The following CD36 variants were observed in gnomAD, a reference collection of about 807,000 sequenced individuals.
The protein encoded by CD36 is platelet glycoprotein 4.
CD36 carries 119 observed loss-of-function variants against 55.2 expected under a neutral mutation model. The ratio of observed to expected loss-of-function variants is 2.15; its 90% CI spans 1.86 to 2.51. The LOEUF (loss-of-function observed/expected upper bound fraction) is 2.51. CD36 is among the 30% of genes most tolerant of loss of function. The probability of loss-of-function intolerance (pLI) is 0.00; values close to 1 mark genes in which losing one functional copy is unlikely to be tolerated. For synonymous variants in CD36, 186 were observed against 193.6 expected (o/e 0.96, Z 0.33); for missense variants, 819 against 555.5 (o/e 1.47, Z -4.77).
At position 80,673,399 on chromosome 7, in the gene CD36, G is replaced by T; in HGVS notation, c.1244G>T (p.Trp415Leu). The T allele has an allele frequency of 1.3e-6, 2 of 1,566,114 alleles. No individual in the cohort carries two copies. Among genetic ancestry groups the T allele is most frequent in the Non-Finnish European group, 1.8e-6 (2 of 1,137,166 alleles). ...AGGAACTATATTGTGCCTATTCTTTGGCTTAATGAGGTTTGTATTTGCAGC... is the reference window on the plus strand; with the variant it reads ...AGGAACTATATTGTGCCTATTCTTTTGCTTAATGAGGTTTGTATTTGCAGC... ...LKRNYIVPIL[W>L]LNETGTIGDE... The change falls in exon 13 of 15, where the codon TGG becomes TTG. Residue 415 changes from tryptophan (W) to leucine (L), a missense_variant. Physicochemically the swap from Trp to Leu is moderately conservative, Grantham distance 61. Coordinates refer to ENST00000447544, the MANE Select transcript of CD36 (RefSeq NM_001001548.3).
In CD36 at chr7:80,606,065, T is replaced by C. The variant is rs148472158; in HGVS notation, c.-184+3686T>C. On this transcript the variant is annotated intron_variant, in intron 1 of 13. Coordinates refer to the CD36 transcript ENST00000309881. The stretch of plus-strand genomic sequence containing the variant: ...TGACTCATACATAATAAGCACTCAA[T>C]AGAGAGATTTTATTCATTTATTTAA... Among the ~76,000 whole-genome samples the C allele has an allele frequency of 5.9e-4, 90 of 152,312 alleles. 1 individual carries two copies. Among genetic ancestry groups the C allele is most frequent in the African/African-American group, 2.2e-3 (90 of 41,576 alleles).
At chr7:80,672,210 A>T (rs962953900) in intron 11 of CD36, among the ~76,000 whole-genome samples, 170 bp downstream of exon 11, 3 of 151,820 alleles carry the variant, frequency 2.0e-5, no homozygotes, top group African/African-American at 7.2e-5. Context: ...TTATGAAGTG[A>T]TTCTAATTGG....
chr7:80,605,007 A>G (rs1045785942), intron 1 of CD36, among the ~76,000 whole-genome samples: 8 of 152,250 alleles, frequency 5.3e-5, no homozygotes, highest in East Asian at 1.9e-4. Flanking sequence ...TACTTCTTGT[A>G]TCTCATTCTG....
chr7:80,666,225 T>C, intron 7 of CD36: 1 of 507,962 alleles, frequency 2.0e-6, no homozygotes, highest in East Asian at 3.2e-5. Flanking sequence ...CTGGCAGTTT[T>C]TATTTTATGA....
chr7:80,616,585 A>C (rs528550578), intron 1 of CD36, among the ~76,000 whole-genome samples: 14 of 152,264 alleles, frequency 9.2e-5, no homozygotes, highest in African/African-American at 3.4e-4. Context: ...AATAAATCTC[A>C]AACATTTTCT....
chr7:80,673,331 AATT>A, intron 12 of CD36, 21 bp from the exon 13 acceptor site: 1 of 1,083,764 alleles, frequency 9.2e-7, no homozygotes, highest in South Asian at 1.4e-5. Flanking sequence ...ATATGTTCAT[AATT>A]ATTTTCAACG....
chr7:80,665,650 T>G (rs568850728), intron 7 of CD36, among the ~76,000 whole-genome samples: 55 of 152,224 alleles, frequency 3.6e-4, no homozygotes, highest in African/African-American at 1.3e-3. Context: ...GCACTCCTAG[T>G]TAGAGTAAGA....
chr7:80,673,647 T>C (rs1797951007), intron 13 of CD36: 1 of 561,976 alleles, frequency 1.8e-6, no homozygotes, highest in South Asian at 2.3e-5. Context: ...GTAACATTTG[T>C]CTTCTATTGC....
In CD36 at chr7:80,672,816, TATTGGTCAAGCC is replaced by T. The variant is rs1797835173; in HGVS notation, c.1175_1186del (p.Leu392_Pro395del). The T allele has an allele frequency of 1.2e-6, 2 of 1,610,962 alleles. No homozygotes were observed. Among genetic ancestry groups the T allele is most frequent in the Non-Finnish European group, 1.7e-6 (2 of 1,178,014 alleles). On this transcript the variant is annotated inframe_deletion, in exon 12 of 15. Transcript: ENST00000447544. ...TTTGCAAAACGGCTGCAGGTCAACC[TATTGGTCAAGCC>T]ATCAGAAAAAATTCAGTGAGTCTCT... is the stretch of plus-strand genomic sequence containing the variant.
rs978811594 is a variant in CD36 at position 80,678,834 on chromosome 7, T to G, written c.*2451T>G. 2 of 136,706 alleles carry G rather than the reference T, an allele frequency of 1.5e-5. No homozygotes were observed. The highest frequency in any genetic ancestry group is 1.6e-5 in the Non-Finnish European group (1 of 61,014). The allele number at this position is 136,706 out of a possible 1,614,324, so 8.5% of individuals were successfully genotyped here. ...ACTCCAGCCTGGTGACAGAGCGAGATTCCATCTCAAAAAAAAAAAACAGTA... is the reference window on the plus strand; with the variant it reads ...ACTCCAGCCTGGTGACAGAGCGAGAGTCCATCTCAAAAAAAAAAAACAGTA... On this transcript the variant is annotated 3_prime_UTR_variant, in exon 15 of 15. Coordinates refer to ENST00000447544, the MANE Select transcript of CD36 (RefSeq NM_001001548.3).
intron 1 of CD36, among the ~76,000 whole-genome samples, chr7:80,623,597 A>C (rs1047541557): frequency 2.6e-5 from 4 of 152,168 alleles, no homozygotes; most frequent in African/African-American, 9.7e-5. Flanking sequence ...TAATTCTTTC[A>C]TATTGCAAAA....
chr7:80,627,450 C>G (rs1231747867), intron 1 of CD36, among the ~76,000 whole-genome samples: 2 of 151,640 alleles, frequency 1.3e-5, no homozygotes, highest in Non-Finnish European at 2.9e-5. Context: ...GACCCCCTCC[C>G]TTAAAAGAGG....
At chr7:80,617,848 C>G (rs1039655859) in intron 1 of CD36, among the ~76,000 whole-genome samples, 1 of 151,954 alleles carries the variant, frequency 6.6e-6, no homozygotes, top group East Asian at 1.9e-4. Flanking sequence ...GTGCTGCGGT[C>G]TTCTAGGGGT....
chr7:80,617,301 C>T (rs138761526), intron 1 of CD36, among the ~76,000 whole-genome samples: 3,131 of 151,662 alleles, frequency 0.021, 51 homozygotes, highest in Non-Finnish European at 0.031. Flanking sequence ...ACTTGGGTGA[C>T]GAAATAATCT....
intron 8 of CD36, among the ~76,000 whole-genome samples, chr7:80,667,873 C>G (rs1341613389): frequency 6.6e-6 from 1 of 150,620 alleles, no homozygotes; most frequent in Admixed American, 6.6e-5. Context: ...ACCTCAATCT[C>G]ATGAGTAGTT....
At chr7:80,668,260 GACAATAATAGAA>G (rs1212895796) in intron 8 of CD36, among the ~76,000 whole-genome samples, 2 of 152,104 alleles carry the variant, frequency 1.3e-5, no homozygotes, top group African/African-American at 4.8e-5. Flanking sequence ...AAGATTCATT[GACAATAATAGAA>G]ATGCATGAGC....
chr7:80,646,395 A>G, intron 2 of CD36: 5 of 327,918 alleles, frequency 1.5e-5, no homozygotes, highest in Non-Finnish European at 3.0e-5. Flanking sequence ...TCAATATGTT[A>G]ATCATGTGTA....
rs1341333923 is a variant in CD36 at position 80,672,812 on chromosome 7, A to G, written c.1168A>G (p.Asn390Asp). Residue 390 changes from asparagine (N) to aspartate (D), a missense_variant, in exon 12 of 15, where the codon AAC becomes GAC. Coordinates refer to ENST00000447544, the MANE Select transcript of CD36 (RefSeq NM_001001548.3). ...ACAATTTGCAAAACGGCTGCAGGTC[A>G]ACCTATTGGTCAAGCCATCAGAAAA... ...TLQFAKRLQV[N>D]LLVKPSEKIQ... 6.2e-7 allele frequency: 1 copy of G among 1,611,288 alleles called. No individual in the cohort carries two copies. The highest frequency in any genetic ancestry group is 2.2e-5 in the East Asian group (1 of 44,626).
At chr7:80,656,444 C>A in intron 3 of CD36, 96 bp from the exon 4 acceptor site, 1 of 1,084,084 alleles carries the variant, frequency 9.2e-7, no homozygotes, top group Non-Finnish European at 1.4e-6. Context: ...TGGGCTTGGT[C>A]CTTTTATTCT....
Sources: gnomAD v4.1 joint callset for allele counts (sites outside exome capture counted in the v4.1 genomes callset) on GRCh38, gnomAD v4.1.1 for gene constraint, MANE v1.5 for transcripts, NCBI Gene and HGNC (gene_info 2026-07-23, HGNC 2026-07-21) for gene names.